SORCS1: variants seen among roughly 807,000 people sequenced by gnomAD.
SORCS1 encodes the protein VPS10 domain-containing receptor SorCS1.
A neutral mutation model predicts 146.1 loss-of-function variants in SORCS1; 60 were observed. The ratio of observed to expected loss-of-function variants is 0.41; its 90% CI spans 0.33 to 0.51. SORCS1 has a LOEUF of 0.51. Among genes scored for constraint, SORCS1 ranks in the 20% least tolerant of loss-of-function variants. The probability of loss-of-function intolerance (pLI) is 0.21; values close to 1 mark genes in which losing one functional copy is unlikely to be tolerated. For missense variants in SORCS1, 1,352 were observed against 1,487.6 expected (o/e 0.91, Z 1.50); for synonymous variants, 637 against 584.0 (o/e 1.09, Z -1.31).
chr10:106,763,922 C>A (rs1720546733), intron 4 of SORCS1, among the ~76,000 whole-genome samples: 1 of 152,180 alleles, frequency 6.6e-6, no homozygotes, highest in African/African-American at 2.4e-5. Flanking sequence ...GAAATCCTAT[C>A]CTTCTACGTG....
chr10:106,769,088 G>C (rs1859792701), intron 4 of SORCS1, among the ~76,000 whole-genome samples: 1 of 152,180 alleles, frequency 6.6e-6, no homozygotes, highest in Non-Finnish European at 1.5e-5. Flanking sequence ...GAAAGCGCTG[G>C]CATCTATTTC....
intron 1 of SORCS1, among the ~76,000 whole-genome samples, chr10:107,042,085 C>A (rs539212383): frequency 1.3e-5 from 2 of 152,268 alleles, no homozygotes; most frequent in East Asian, 1.9e-4. Context: ...TAAAATACAG[C>A]AAACTCTTAA....
chr10:107,031,133 C>CA (rs111944202), intron 1 of SORCS1, among the ~76,000 whole-genome samples: 6,493 of 152,048 alleles, frequency 0.043, 403 homozygotes, highest in African/African-American at 0.13. Flanking sequence ...TAAAATTAGA[C>CA]AAAAAAAGTC....
chr10:107,045,080 C>T (rs1222268943), intron 1 of SORCS1, among the ~76,000 whole-genome samples: 2 of 152,032 alleles, frequency 1.3e-5, no homozygotes, highest in Non-Finnish European at 2.9e-5. Flanking sequence ...CCTTGAGAGA[C>T]CAGGACCGTA....
intron 24 of SORCS1, among the ~76,000 whole-genome samples, chr10:106,582,771 G>T (rs182783220): frequency 1.3e-5 from 2 of 152,174 alleles, no homozygotes; most frequent in African/African-American, 4.8e-5. Flanking sequence ...TTAAGCCTGC[G>T]TACTTGCACA....
At chr10:106,859,383 G>A (rs1395408086) in intron 2 of SORCS1, among the ~76,000 whole-genome samples, 1 of 152,022 alleles carries the variant, frequency 6.6e-6, no homozygotes, top group Non-Finnish European at 1.5e-5. Context: ...ACACTTCAAG[G>A]CTGGAATCAA....
chr10:106,709,369 A>G (rs1192972375), intron 6 of SORCS1, 28 bp from the exon 7 acceptor site: 1 of 1,413,348 alleles, frequency 7.1e-7, no homozygotes, highest in Non-Finnish European at 9.9e-7. Context: ...AAACAAAAAC[A>G]TGGGGTTGAG....
chr10:106,773,979 C>T (rs555151055), intron 4 of SORCS1, among the ~76,000 whole-genome samples: 2 of 152,100 alleles, frequency 1.3e-5, no homozygotes, highest in South Asian at 2.1e-4. Context: ...CACTATCAAA[C>T]GTCAGGTAGC....
the SORCS1 span, among the ~76,000 whole-genome samples, chr10:107,176,343 T>A: frequency 1.7e-4 from 26 of 150,708 alleles, no homozygotes; most frequent in Non-Finnish European, 3.0e-4. Context: ...CTTTTTTTCT[T>A]TTTTTTTTGA....
intron 1 of SORCS1, among the ~76,000 whole-genome samples, chr10:107,014,269 A>AG (rs1957803940): frequency 7.4e-6 from 1 of 135,446 alleles, no homozygotes; most frequent in Admixed American, 6.8e-5. Context: ...AAAAAAAAAA[A>AG]AAAGAAAAGA....
At chr10:106,937,828 G>A (rs750817523) in intron 2 of SORCS1, among the ~76,000 whole-genome samples, 25 of 152,038 alleles carry the variant, frequency 1.6e-4, no homozygotes, top group Non-Finnish European at 3.5e-4. Flanking sequence ...GCCGGACATG[G>A]TGGCAGGTGC....
chr10:107,171,503 A>T, the SORCS1 span, among the ~76,000 whole-genome samples: 1 of 144,344 alleles, frequency 6.9e-6, no homozygotes, highest in African/African-American at 2.6e-5. Context: ...AAAAGGTCCA[A>T]GGGAATCCCC....
At chr10:106,958,447 T>C (rs1355465786) in intron 1 of SORCS1, among the ~76,000 whole-genome samples, 1 of 152,228 alleles carries the variant, frequency 6.6e-6, no homozygotes, top group Non-Finnish European at 1.5e-5. Context: ...TCCACTCTAC[T>C]AGCACAGCGT....
At chr10:107,078,214 T>C (rs1202637463) in intron 1 of SORCS1, among the ~76,000 whole-genome samples, 3 of 152,216 alleles carry the variant, frequency 2.0e-5, no homozygotes, top group African/African-American at 7.2e-5. Context: ...ATAGTAATTT[T>C]AAATGTTCTA....
chr10:106,843,269 TA>T (rs1949133808), intron 2 of SORCS1, among the ~76,000 whole-genome samples: 1 of 152,160 alleles, frequency 6.6e-6, no homozygotes, highest in Non-Finnish European at 1.5e-5. Context: ...CCCCAGCCAC[TA>T]GTAACCACCA....
At chr10:106,951,233 C>T (rs758125847) in intron 2 of SORCS1, among the ~76,000 whole-genome samples, 17 of 152,072 alleles carry the variant, frequency 1.1e-4, no homozygotes, top group South Asian at 4.1e-4. Context: ...AACATCTGGC[C>T]GGGCACGGTG....
intron 2 of SORCS1, among the ~76,000 whole-genome samples, chr10:106,852,404 C>T (rs1231994089): frequency 2.0e-5 from 3 of 151,994 alleles, no homozygotes; most frequent in South Asian, 4.2e-4. Flanking sequence ...CTGAGGCAGT[C>T]GCATCACAAG....
At chr10:107,021,988 C>A (rs1750589883) in intron 1 of SORCS1, among the ~76,000 whole-genome samples, 2 of 152,132 alleles carry the variant, frequency 1.3e-5, no homozygotes, top group South Asian at 4.1e-4. Flanking sequence ...CTGCCAACTC[C>A]TACTTGTGGA....
intron 1 of SORCS1, among the ~76,000 whole-genome samples, chr10:107,124,953 CTTTTT>C (rs577523339): frequency 3.3e-5 from 4 of 121,612 alleles, no homozygotes; most frequent in African/African-American, 1.3e-4. Context: ...TTTTCTTTTT[CTTTTT>C]TTTTTTTTTT....
Sources: gnomAD v4.1 joint callset for allele counts (sites outside exome capture counted in the v4.1 genomes callset) on GRCh38, gnomAD v4.1.1 for gene constraint, MANE v1.5 for transcripts, NCBI Gene and HGNC (gene_info 2026-07-23, HGNC 2026-07-21) for gene names.